LARP4B: variants seen among roughly 807,000 people sequenced by gnomAD.
LARP4B encodes the protein La ribonucleoprotein 4B, also known as la-related protein 4B.
Under a neutral mutation model 89.8 loss-of-function variants are expected in LARP4B, and 12 were observed. The observed-to-expected ratio is 0.13, with a 90% CI of 0.09 to 0.22. The LOEUF (loss-of-function observed/expected upper bound fraction) is 0.22. LARP4B is among the 10% of genes least tolerant of loss of function. The pLI, the probability that LARP4B is intolerant of heterozygous loss-of-function variation, is 1.00. For missense variants in LARP4B, 757 were observed against 947.7 expected, an observed-to-expected ratio of 0.80 and a Z score of 2.64; for synonymous variants, 367 against 363.3, an observed-to-expected ratio of 1.01 and a Z score of -0.12.
chr10:971,325 G>A, the LARP4B span: 4 of 152,180 alleles, frequency 2.6e-5, no homozygotes, highest in Non-Finnish European at 5.9e-5. Context: ...AAGGACAGGG[G>A]AGATGCAAGG....
At chr10:865,726 A>T (rs1834866385) in intron 3 of LARP4B, among the ~76,000 whole-genome samples, 1 of 152,266 alleles carries the variant, frequency 6.6e-6, no homozygotes, top group South Asian at 2.1e-4. Flanking sequence ...AAGAAAAGTC[A>T]AATGTCCAAA....
At chr10:927,546 G>A (rs145864031) in intron 1 of LARP4B, among the ~76,000 whole-genome samples, 135 of 152,270 alleles carry the variant, frequency 8.9e-4, no homozygotes, top group African/African-American at 3.2e-3. Flanking sequence ...ACCAGCATAA[G>A]AGCAAAAAGT....
chr10:913,001 G>A (rs1358383598), intron 1 of LARP4B, among the ~76,000 whole-genome samples: 2 of 152,118 alleles, frequency 1.3e-5, no homozygotes, highest in Non-Finnish European at 2.9e-5. Context: ...AAAAAACATT[G>A]GCTTAAAGTT....
chr10:909,357 C>G (rs1836602702), intron 1 of LARP4B, among the ~76,000 whole-genome samples: 1 of 150,804 alleles, frequency 6.6e-6, no homozygotes, highest in African/African-American at 2.4e-5. Flanking sequence ...TGACTCCAAG[C>G]ACAGAATCCA....
At chr10:941,147 T>C in the LARP4B span, among the ~76,000 whole-genome samples, 1 of 152,262 alleles carries the variant, frequency 6.6e-6, no homozygotes. Flanking sequence ...TTTGCCAGTG[T>C]CCACTTCATT....
chr10:930,030 T>C (rs932368080), intron 1 of LARP4B, among the ~76,000 whole-genome samples: 2 of 151,672 alleles, frequency 1.3e-5, no homozygotes, highest in African/African-American at 4.8e-5. Flanking sequence ...CGATTTCAAC[T>C]TCTGTAAATT....
chr10:894,666 T>A (rs536724372), intron 1 of LARP4B, among the ~76,000 whole-genome samples: 1 of 152,242 alleles, frequency 6.6e-6, no homozygotes, highest in East Asian at 1.9e-4. Flanking sequence ...AGTATTGTTA[T>A]ATTTATTTTA....
chr10:956,650 A>C, the LARP4B span, among the ~76,000 whole-genome samples: 4 of 152,118 alleles, frequency 2.6e-5, no homozygotes, highest in Non-Finnish European at 5.9e-5. The surrounding 1 kb of genome is among the most constrained non-coding windows in gnomAD (Gnocchi z 4.3). Context: ...CCCGGCCCAA[A>C]AATTCTTTAA....
At chr10:823,175 C>G (rs1186455080) in intron 13 of LARP4B, among the ~76,000 whole-genome samples, 1 of 152,164 alleles carries the variant, frequency 6.6e-6, no homozygotes, top group African/African-American at 2.4e-5. Flanking sequence ...CCCTGCCCAC[C>G]ACTTCCTAAA....
chr10:835,957 C>T (rs1204415439), intron 8 of LARP4B, among the ~76,000 whole-genome samples: 4 of 151,926 alleles, frequency 2.6e-5, no homozygotes, highest in Non-Finnish European at 5.9e-5. Flanking sequence ...AATTACTCCC[C>T]AAGTTACCAG....
rs1202877400 is a variant in LARP4B at position 812,535 on chromosome 10, GTT to G, written c.*389_*390del. On this transcript the variant is annotated 3_prime_UTR_variant, in exon 18 of 18. Transcript: ENST00000316157. ...TCTAGAGATATGCACTTACAGACCA[GTT>G]ACTTAAAAAAAAAAAAAAAAAGCAG... 4 of 124,808 alleles carry G rather than the reference GTT, an allele frequency of 3.2e-5. No homozygotes were observed. Among genetic ancestry groups the G allele is most frequent in the African/African-American group, 1.2e-4 (4 of 34,418 alleles). The allele number at this position is 124,808 out of a possible 1,614,324, so 7.7% of individuals were successfully genotyped here.
Position 809,984 on chromosome 10 carries a change from G to A in LARP4B, c.*2942C>T, listed in dbSNP as rs1489860519. 6.6e-6 allele frequency: 1 copy of A among 152,164 alleles called. No individual in the cohort carries two copies. Among genetic ancestry groups the A allele is most frequent in the African/African-American group, 2.4e-5 (1 of 41,456 alleles). 9.4% of individuals were successfully genotyped at this position (152,164 alleles called of 1,614,324 possible). ...AGGAGGGCCTGGGTGAAAATGTCAA[G>A]ACACTCACTCTCAGAGAACGACGAC... is the stretch of plus-strand genomic sequence containing the variant. On this transcript the variant is annotated 3_prime_UTR_variant, in exon 18 of 18. Transcript: ENST00000316157.
At chr10:851,268 A>C (rs11253465) in intron 5 of LARP4B, among the ~76,000 whole-genome samples, 25,441 of 147,084 alleles carry the variant, frequency 0.17, 2,319 homozygotes, top group African/African-American at 0.19. Flanking sequence ...ACTGCAACCT[A>C]CGTTTCCTGG....
chr10:945,685 C>T, the LARP4B span, among the ~76,000 whole-genome samples: 1 of 99,300 alleles, frequency 1.0e-5, no homozygotes. Flanking sequence ...GAGACTCCGT[C>T]TCAGAAAAAA....
intron 1 of LARP4B, among the ~76,000 whole-genome samples, chr10:918,612 A>G (rs2132040208): frequency 6.8e-6 from 1 of 147,132 alleles, no homozygotes; most frequent in African/African-American, 2.5e-5. Context: ...CCAGCCTGGC[A>G]ACAGAGTGAG....
At position 829,441 on chromosome 10, in the gene LARP4B, T is replaced by C. The variant is rs1832785985; in HGVS notation, c.1069A>G (p.Ser357Gly). ...YSPQQQFPLY[S>G]LITPQTWSAT... ...GACCACGTCTGGGGAGTGATCAGGC[T>C]GTACAGGGGGAACTGCTGCTGGGGG... Residue 357 changes from serine to glycine, a missense_variant, in exon 11 of 18, where the codon AGC becomes GGC. Transcript: ENST00000316157. 6.2e-7 allele frequency: 1 copy of C among 1,613,906 alleles called. No individual in the cohort carries two copies. Among genetic ancestry groups the C allele is most frequent in the Non-Finnish European group, 8.5e-7 (1 of 1,179,974 alleles).
In LARP4B at chr10:814,889, A is replaced by C. The variant is rs1303517520; in HGVS notation, c.1821-39T>G. The C allele has an allele frequency of 6.3e-7, 1 of 1,578,816 alleles. No homozygotes were observed. Among genetic ancestry groups the C allele is most frequent in the Admixed American group, 1.7e-5 (1 of 58,024 alleles). On this transcript the variant is annotated intron_variant, in intron 16 of 17. Coordinates refer to ENST00000316157, the MANE Select transcript of LARP4B (RefSeq NM_015155.3). The surrounding 1 kb of genome is among the most constrained non-coding windows in gnomAD (Gnocchi z 4.4). ...ACCCGATATTTGAATCTCATGCAAC[A>C]TCACAGGCCATTCAAGTCAGTCAAC...
chr10:977,542 C>T, the LARP4B span, among the ~76,000 whole-genome samples: 1 of 149,322 alleles, frequency 6.7e-6, no homozygotes, highest in African/African-American at 2.5e-5. Flanking sequence ...AAGATCCTAT[C>T]TCAGAAAAAA....
chr10:881,620 AC>A (rs1157245819), intron 3 of LARP4B, among the ~76,000 whole-genome samples: 1 of 152,238 alleles, frequency 6.6e-6, no homozygotes, highest in African/African-American at 2.4e-5. Flanking sequence ...AATGCAAAGT[AC>A]TGTAATCATA....
Sources: allele counts gnomAD v4.1 joint callset (sites outside exome capture counted in the v4.1 genomes callset), GRCh38; gene constraint gnomAD v4.1.1; non-coding constraint Gnocchi (gnomAD v3.1); transcripts MANE v1.5; gene names NCBI Gene and HGNC (gene_info 2026-07-23, HGNC 2026-07-21).